Variants in ANK1 observed in about 807,000 individuals in gnomAD.
ANK1 encodes the protein ankyrin-1.
Under a neutral mutation model 210.4 loss-of-function variants are expected in ANK1, and 51 were observed. The ratio of observed to expected loss-of-function variants is 0.24; its 90% confidence interval spans 0.19 to 0.31. ANK1 has a LOEUF of 0.31. Ranked by LOEUF, ANK1 falls within the 10% of genes least tolerant of loss-of-function variation. The pLI, the probability that ANK1 is intolerant of heterozygous loss-of-function variation, is 1.00. For synonymous variants in ANK1, 967 were observed against 1,025.9 expected, an observed-to-expected ratio of 0.94 and a Z score of 1.10; for missense variants, 2,051 against 2,504.4, an observed-to-expected ratio of 0.82 and a Z score of 3.86.
In ANK1 at chr8:41,845,242, G is replaced by A. The variant is rs561364749; in HGVS notation, c.126+51113C>T. On this transcript the variant is annotated intron_variant, in intron 1 of 42. Transcript: ENST00000265709. Reference sequence around the variant, plus strand: ...TCTACAAAAATACAAAAAATTAGCCGGGCATGGTGGCGTGTGCCTGTAGAC... The same window carrying A: ...TCTACAAAAATACAAAAAATTAGCCAGGCATGGTGGCGTGTGCCTGTAGAC... 3.3e-5 allele frequency among the ~76,000 whole-genome samples: 5 copies of A among 152,022 alleles called. No homozygotes were observed. In the South Asian group the frequency reaches 6.2e-4, roughly 19 times the overall value.
At chr8:41,671,242 C>T (rs2150560641) in intron 38 of ANK1, among the ~76,000 whole-genome samples, 1 of 152,258 alleles carries the variant, frequency 6.6e-6, no homozygotes, top group East Asian at 1.9e-4. Context: ...TCCGTCCTGC[C>T]CCAGTTAAGC....
intron 1 of ANK1, among the ~76,000 whole-genome samples, chr8:41,778,875 A>G (rs1312128138): frequency 1.3e-5 from 2 of 152,232 alleles, no homozygotes; most frequent in African/African-American, 4.8e-5. Context: ...CACTGAACAC[A>G]CAGGCAGGAA....
chr8:41,677,837 A>G (rs1035681672), intron 37 of ANK1, among the ~76,000 whole-genome samples: 1 of 151,772 alleles, frequency 6.6e-6, no homozygotes, highest in Non-Finnish European at 1.5e-5. Context: ...TGATCCACCC[A>G]CCTCGACCTC....
intron 1 of ANK1, among the ~76,000 whole-genome samples, chr8:41,782,173 C>A (rs1165569270): frequency 1.3e-5 from 2 of 152,214 alleles, no homozygotes; most frequent in Non-Finnish European, 2.9e-5. Context: ...GTTCCTGCTG[C>A]CACACCCCCT....
chr8:41,797,590 G>A lies in ANK1; in HGVS notation c.-52C>T. 6.2e-7 allele frequency: 1 copy of A among 1,610,026 alleles called. No homozygotes were observed. The highest frequency in any genetic ancestry group is 1.1e-5 in the South Asian group (1 of 90,416). Reference sequence around the variant, plus strand: ...AAGGGCCTTGGGGGCTTGAGGAGGAGCAGCTGGGGCTGGCGGACTCACCGC... The same window carrying A: ...AAGGGCCTTGGGGGCTTGAGGAGGAACAGCTGGGGCTGGCGGACTCACCGC... On this transcript the variant is annotated 5_prime_UTR_variant, in exon 1 of 43. Coordinates refer to ENST00000289734, the MANE Select transcript of ANK1 (RefSeq NM_000037.4). This position sits in a 1 kb window ranked among gnomAD's most constrained non-coding sequence, Gnocchi z 4.0.
At position 41,723,700 on chromosome 8, in the gene ANK1, G is replaced by A. The variant is rs564740538; in HGVS notation, c.712-67C>T. On this transcript the variant is annotated intron_variant, in intron 7 of 42. Transcript: ENST00000289734. ...CCTGGAATGCAGCTGCTGTGCACCC[G>A]CTCCCCTTGTCCCCAGCCCCCAGTC... The A allele has an allele frequency of 3.7e-4, 523 of 1,432,170 alleles. 2 individuals are homozygous for A. The highest frequency in any genetic ancestry group is 1.4e-3 in the Middle Eastern group (7 of 5,146). 88.7% of individuals were successfully genotyped at this position (1,432,170 alleles called of 1,614,324 possible). A position where few individuals can be genotyped will look rare whatever the true frequency, so the allele number is the denominator to read the frequency against.
intron 37 of ANK1, among the ~76,000 whole-genome samples, chr8:41,682,923 C>T (rs1816526099): frequency 6.6e-6 from 1 of 152,182 alleles, no homozygotes; most frequent in Non-Finnish European, 1.5e-5. Flanking sequence ...CCACTGAGCT[C>T]CTGTAAAGCT....
intron 23 of ANK1, among the ~76,000 whole-genome samples, 162 bp downstream of exon 23, chr8:41,699,290 A>T (rs1038783481): frequency 1.3e-5 from 2 of 152,184 alleles, no homozygotes; most frequent in African/African-American, 4.8e-5. Flanking sequence ...CCTAGTGGCT[A>T]GGGTGCAGAG....
intron 1 of ANK1, among the ~76,000 whole-genome samples, chr8:41,763,210 T>G (rs1840852586): frequency 1.3e-5 from 1 of 74,540 alleles, no homozygotes; most frequent in East Asian, 4.6e-4. Context: ...AGAGACTCTG[T>G]CTCAAAAAAA....
At chr8:41,732,787 G>A (rs919528450) in intron 3 of ANK1, among the ~76,000 whole-genome samples, 4 of 151,718 alleles carry the variant, frequency 2.6e-5, no homozygotes, top group African/African-American at 9.7e-5. Flanking sequence ...AGAGTGCAGT[G>A]GTGCAGTCAT....
At position 41,744,726 on chromosome 8, in the gene ANK1, G is replaced by A. The variant is rs566372585; in HGVS notation, c.130-10657C>T. ...ATTTTTTTATATTTTTAGTAGAGAC[G>A]GGGTTTCACAGTGTTCACCAGGATG... is the stretch of plus-strand genomic sequence containing the variant. On this transcript the variant is annotated intron_variant, in intron 2 of 42. Transcript: ENST00000289734. 3.9e-4 allele frequency among the ~76,000 whole-genome samples: 59 copies of A among 152,108 alleles called. No homozygotes were observed. The South Asian group carries it at 1.0e-2, about 26-fold the overall frequency.
At chr8:41,693,070 C>T (rs1449609776) in intron 30 of ANK1, 35 bp downstream of exon 30, 19 of 1,566,984 alleles carry the variant, frequency 1.2e-5, no homozygotes, top group Non-Finnish European at 1.7e-5. Context: ...TGAGGACGGC[C>T]CACACAATAC....
intron 1 of ANK1, among the ~76,000 whole-genome samples, chr8:41,813,809 GC>G (rs908488418): frequency 7.2e-5 from 11 of 152,172 alleles, no homozygotes; most frequent in African/African-American, 2.4e-4. Flanking sequence ...TCCTGGGCCT[GC>G]CAAGAAGTGA....
At chr8:41,763,889 CT>C (rs869100297) in intron 1 of ANK1, among the ~76,000 whole-genome samples, 8,321 of 57,948 alleles carry the variant, frequency 0.14, 90 homozygotes, top group Middle Eastern at 0.2. Context: ...TTCTTTTTTT[CT>C]TTTTTTTTTT....
chr8:41,750,777 C>G (rs1837518278), intron 2 of ANK1, among the ~76,000 whole-genome samples: 1 of 152,168 alleles, frequency 6.6e-6, no homozygotes, highest in Non-Finnish European at 1.5e-5. Flanking sequence ...CAAAGAGGAC[C>G]AACAGTGCCT....
intron 38 of ANK1, among the ~76,000 whole-genome samples, chr8:41,671,569 A>G (rs1336704474): frequency 5.9e-5 from 8 of 135,594 alleles, no homozygotes; most frequent in Non-Finnish European, 1.3e-4. Flanking sequence ...CAGGTACCCT[A>G]ATGTCCCTAA....
rs542353114 is a variant in ANK1 at position 41,871,239 on chromosome 8, G to A, written c.126+25116C>T. 9.2e-5 allele frequency among the ~76,000 whole-genome samples: 14 copies of A among 152,344 alleles called. 1 individual carries two copies. The South Asian group carries it at 2.9e-3, about 32-fold the overall frequency. On this transcript the variant is annotated intron_variant, in intron 1 of 42. Transcript: ENST00000265709. ...TCTCTCCCACTGACTGGAAGCTGCT[G>A]AAGGGTGGGGCTACCAATGGGCCTC... is the stretch of plus-strand genomic sequence containing the variant.
Position 41,695,950 on chromosome 8 carries a change from G to A in ANK1, c.2960+413C>T, listed in dbSNP as rs558898154. ...CGTCCTCAGGGGAAACGGCCAGGGAGGCCGTCTTACTGGGAACTCTCAGTG... is the reference window on the plus strand; with the variant it reads ...CGTCCTCAGGGGAAACGGCCAGGGAAGCCGTCTTACTGGGAACTCTCAGTG... On this transcript the variant is annotated intron_variant, in intron 26 of 42. Transcript: ENST00000289734. Among the ~76,000 whole-genome samples the A allele has an allele frequency of 1.2e-4, 18 of 149,552 alleles. No homozygotes were observed. The South Asian group carries it at 3.9e-3, about 32-fold the overall frequency.
chr8:41,863,398 A>G (rs186297885), intron 1 of ANK1, among the ~76,000 whole-genome samples: 1 of 152,294 alleles, frequency 6.6e-6, no homozygotes, highest in East Asian at 1.9e-4. Context: ...AAGGAAATTC[A>G]TTTTCATTAT....
Sources: allele counts gnomAD v4.1 joint callset (sites outside exome capture counted in the v4.1 genomes callset), GRCh38; gene constraint gnomAD v4.1.1; non-coding constraint Gnocchi (gnomAD v3.1); transcripts MANE v1.5; gene names NCBI Gene and HGNC (gene_info 2026-07-23, HGNC 2026-07-21).